ASCC3: variants seen among roughly 807,000 people sequenced by gnomAD.
ASCC3 encodes activating signal cointegrator 1 complex subunit 3, also known as ASC-1 complex subunit P200.
Under a neutral mutation model 256.3 loss-of-function variants are expected in ASCC3, and 158 were observed. That is an observed-to-expected ratio of 0.62 (90% CI 0.54 to 0.70). The LOEUF (loss-of-function observed/expected upper bound fraction) is 0.70, where lower values mean the gene tolerates loss of function less well. Among genes scored for constraint, ASCC3 ranks in the 30% least tolerant of loss-of-function variants. ASCC3 has a pLI of 0.00. For missense variants in ASCC3, 2,259 were observed against 2,626.0 expected (o/e 0.86, Z 3.05); for synonymous variants, 948 against 883.4 (o/e 1.07, Z -1.30).
At chr6:100,640,110 G>C (rs542198834) in intron 24 of ASCC3, among the ~76,000 whole-genome samples, 2 of 152,034 alleles carry the variant, frequency 1.3e-5, no homozygotes, top group Non-Finnish European at 2.9e-5. Flanking sequence ...GTGAAACTCT[G>C]TCTCACAAAT....
chr6:100,740,827 C>G (rs1217655171), intron 10 of ASCC3, among the ~76,000 whole-genome samples: 1 of 152,192 alleles, frequency 6.6e-6, no homozygotes, highest in Non-Finnish European at 1.5e-5. Context: ...AAACAGCAGA[C>G]TGATGGATCT....
At chr6:100,587,099 T>C (rs1002422858) in intron 36 of ASCC3, among the ~76,000 whole-genome samples, 5 of 152,178 alleles carry the variant, frequency 3.3e-5, no homozygotes, top group African/African-American at 1.2e-4. Context: ...GCAATGATAA[T>C]GGAAACAGAT....
chr6:100,569,969 T>C (rs1022139434), intron 36 of ASCC3, among the ~76,000 whole-genome samples: 1 of 152,216 alleles, frequency 6.6e-6, no homozygotes, highest in African/African-American at 2.4e-5. Flanking sequence ...TAACAGTATT[T>C]TGAAGTTCTC....
chr6:100,585,399 C>T (rs1438990308), intron 36 of ASCC3, among the ~76,000 whole-genome samples: 5 of 152,186 alleles, frequency 3.3e-5, no homozygotes, highest in Non-Finnish European at 7.3e-5. Context: ...GCATTCTTCA[C>T]GTAGTTCTCG....
At chr6:100,637,444 T>A (rs1236531054) in intron 25 of ASCC3, among the ~76,000 whole-genome samples, 1 of 152,196 alleles carries the variant, frequency 6.6e-6, no homozygotes, top group East Asian at 1.9e-4. Flanking sequence ...TACAAAGAGA[T>A]GAATGTTGTT....
At chr6:100,596,362 C>A (rs1454123237) in intron 34 of ASCC3, among the ~76,000 whole-genome samples, 1 of 152,092 alleles carries the variant, frequency 6.6e-6, no homozygotes, top group Non-Finnish European at 1.5e-5. Context: ...TTATTTAAAT[C>A]CTCTTTTTTA....
At chr6:100,595,930 TTATC>T (rs1772270156) in intron 34 of ASCC3, among the ~76,000 whole-genome samples, 1 of 152,162 alleles carries the variant, frequency 6.6e-6, no homozygotes, top group Non-Finnish European at 1.5e-5. Context: ...CTATTGTTCT[TTATC>T]TAGTTTTTAA....
chr6:100,607,214 T>C (rs1772941467), intron 30 of ASCC3, 126 bp from the exon 31 acceptor site: 2 of 965,472 alleles, frequency 2.1e-6, no homozygotes, highest in Non-Finnish European at 1.6e-6. Flanking sequence ...ATAAGTCCTA[T>C]ATACAGTTAT....
intron 17 of ASCC3, among the ~76,000 whole-genome samples, chr6:100,653,357 C>T (rs994348356): frequency 6.6e-6 from 1 of 151,840 alleles, no homozygotes; most frequent in African/African-American, 2.4e-5. Flanking sequence ...CAAAGTTATC[C>T]GGCCGGGCAC....
At chr6:100,812,221 T>G (rs1233338514) in intron 4 of ASCC3, among the ~76,000 whole-genome samples, 3 of 152,066 alleles carry the variant, frequency 2.0e-5, no homozygotes, top group African/African-American at 7.2e-5. Context: ...ATCCAGCGTA[T>G]CCACAATATA....
chr6:100,668,205 TA>T (rs1444758647), intron 14 of ASCC3, among the ~76,000 whole-genome samples: 6 of 151,842 alleles, frequency 4.0e-5, no homozygotes, highest in African/African-American at 1.5e-4. Context: ...GGTCTTTAAG[TA>T]AAATAATCTG....
At position 100,638,754 on chromosome 6, in the gene ASCC3, G is replaced by A. The variant is rs770462829; in HGVS notation, c.3969C>T (p.Asn1323=). ...TCTGTACAGGGTTAAAGTGGCTGAAGTTGTACAGGGCTTCATATGCTTTAC... is the reference window on the plus strand; with the variant it reads ...TCTGTACAGGGTTAAAGTGGCTGAAATTGTACAGGGCTTCATATGCTTTAC... ...LGCKAYEALY[N]FSHFNPVQTQ... is the part of the protein sequence containing the mutation. The change falls in exon 25 of 42, where the codon AAC becomes AAT. Residue 1323 remains asparagine (N), a synonymous_variant. Transcript: ENST00000369162. The A allele has an allele frequency of 3.1e-6, 5 of 1,614,004 alleles. No individual in the cohort carries two copies. The highest frequency in any genetic ancestry group is 4.2e-6 in the Non-Finnish European group (5 of 1,179,996).
At chr6:100,544,600 A>G (rs923050620) in intron 36 of ASCC3, among the ~76,000 whole-genome samples, 1 of 152,132 alleles carries the variant, frequency 6.6e-6, no homozygotes, top group African/African-American at 2.4e-5. Context: ...ACAAAAAAAA[A>G]GAAGAAATAG....
At chr6:100,757,376 T>C (rs1781229373) in intron 10 of ASCC3, among the ~76,000 whole-genome samples, 1 of 152,028 alleles carries the variant, frequency 6.6e-6, no homozygotes, top group Non-Finnish European at 1.5e-5. Context: ...GCTAGAGAGA[T>C]GATGACAAAA....
intron 5 of ASCC3, among the ~76,000 whole-genome samples, chr6:100,801,969 C>A (rs144916804): frequency 6.8e-6 from 1 of 147,444 alleles, no homozygotes; most frequent in Admixed American, 6.9e-5. Flanking sequence ...ATACTAGATG[C>A]TATGCTAAAG....
intron 1 of ASCC3, among the ~76,000 whole-genome samples, chr6:100,869,531 TAAATTTTAAAACAATCAACA>T (rs1448019447): frequency 6.6e-6 from 1 of 152,150 alleles, no homozygotes; most frequent in Non-Finnish European, 1.5e-5. Context: ...ATATACTTGT[TAAATTTTAAAACAATCAACA>T]GATGGGTTAA....
intron 39 of ASCC3, among the ~76,000 whole-genome samples, chr6:100,515,243 A>G (rs1773964868): frequency 1.3e-5 from 2 of 152,114 alleles, no homozygotes; most frequent in African/African-American, 4.8e-5. Context: ...TTTTGATGGT[A>G]ATTTAGTTAG....
At chr6:100,696,184 T>C (rs925794519) in intron 13 of ASCC3, among the ~76,000 whole-genome samples, 7 of 152,164 alleles carry the variant, frequency 4.6e-5, no homozygotes, top group Admixed American at 6.5e-5. Context: ...TTTTACAATA[T>C]TAAATATAGA....
chr6:100,782,587 T>C (rs781682314), intron 8 of ASCC3, among the ~76,000 whole-genome samples: 2 of 152,120 alleles, frequency 1.3e-5, no homozygotes, highest in African/African-American at 2.4e-5. Flanking sequence ...ATGTGCAAAA[T>C]TGTGTATGCA....
Sources: allele counts gnomAD v4.1 joint callset (sites outside exome capture counted in the v4.1 genomes callset), GRCh38; gene constraint gnomAD v4.1.1; transcripts MANE v1.5; gene names NCBI Gene and HGNC (gene_info 2026-07-23, HGNC 2026-07-21).